The following SLC25A51 variants were observed in gnomAD, a reference collection of about 807,000 sequenced individuals.
SLC25A51 encodes mitochondrial nicotinamide adenine dinucleotide transporter SLC25A51.
Under a neutral mutation model 19.1 loss-of-function variants are expected in SLC25A51, and 11 were observed. The ratio of observed to expected loss-of-function variants is 0.58; its 90% CI spans 0.36 to 0.96. The LOEUF is 0.96. Among genes scored for constraint, SLC25A51 ranks in the 40% least tolerant of loss-of-function variants. The pLI, the probability that SLC25A51 is intolerant of heterozygous loss-of-function variation, is 0.01. For missense variants in SLC25A51, 201 were observed against 365.4 expected, an observed-to-expected ratio of 0.55 and a Z score of 3.67; for synonymous variants, 105 against 133.6, an observed-to-expected ratio of 0.79 and a Z score of 1.47.
chr9:37,885,672 C>T (rs1468731261), downstream of SLC25A51: 4 of 1,196,916 alleles, frequency 3.3e-6, no homozygotes, highest in African/African-American at 1.5e-5. Context: ...AAGGAGTTGC[C>T]CGAAACCGGA....
chr9:37,889,244 C>T (rs2025440), intron 2 of SLC25A51, among the ~76,000 whole-genome samples: 84,333 of 152,012 alleles, frequency 0.55, 23,964 homozygotes, highest in African/African-American at 0.66. Context: ...AGAAATAAAA[C>T]AGCAAGACAT....
chr9:37,900,643 C>A (rs1020403440), intron 1 of SLC25A51, among the ~76,000 whole-genome samples: 1 of 151,978 alleles, frequency 6.6e-6, no homozygotes, highest in Non-Finnish European at 1.5e-5. Flanking sequence ...GCTATGTTGC[C>A]CAGGCTGGTC....
intron 2 of SLC25A51, among the ~76,000 whole-genome samples, chr9:37,890,314 G>A (rs1831554746): frequency 6.6e-6 from 1 of 152,130 alleles, no homozygotes; most frequent in Admixed American, 6.5e-5. Flanking sequence ...AGCCAGGGAG[G>A]TCAAGGCTGC....
downstream of SLC25A51, among the ~76,000 whole-genome samples, chr9:37,886,739 C>T (rs1831465176): frequency 6.6e-6 from 1 of 152,222 alleles, no homozygotes; most frequent in Non-Finnish European, 1.5e-5. Context: ...CCTTCTTAGT[C>T]AACCTGCACA....
chr9:37,891,258 C>A (rs1159352472), intron 2 of SLC25A51, among the ~76,000 whole-genome samples: 4 of 152,302 alleles, frequency 2.6e-5, no homozygotes, highest in East Asian at 1.9e-4. Context: ...CCCACCCGGC[C>A]AGCCGCCCCG....
chr9:37,903,852 G>A (rs1246413830), intron 1 of SLC25A51: 1 of 152,272 alleles, frequency 6.6e-6, no homozygotes, highest in Non-Finnish European at 1.5e-5. Context: ...CGCGGCAGGC[G>A]GGGGAGCCCG....
At chr9:37,894,189 G>A (rs1481623371) in intron 2 of SLC25A51, among the ~76,000 whole-genome samples, 1 of 152,046 alleles carries the variant, frequency 6.6e-6, no homozygotes, top group Admixed American at 6.6e-5. Context: ...ATTAAGGTTT[G>A]GAAAACTCTG....
chr9:37,886,036 C>T, downstream of SLC25A51: 1 of 1,613,278 alleles, frequency 6.2e-7, no homozygotes, highest in Non-Finnish European at 8.5e-7. Flanking sequence ...TCTATGCTGA[C>T]CTCTCCCTTA....
intron 2 of SLC25A51, among the ~76,000 whole-genome samples, chr9:37,898,220 G>A (rs1831762589): frequency 6.6e-6 from 1 of 152,164 alleles, no homozygotes; most frequent in East Asian, 1.9e-4. Context: ...AGACCAACCT[G>A]GCCAACATGG....
At chr9:37,896,232 A>G (rs1046242518) in intron 2 of SLC25A51, among the ~76,000 whole-genome samples, 5 of 152,174 alleles carry the variant, frequency 3.3e-5, no homozygotes, top group Non-Finnish European at 7.3e-5. Context: ...AGCATAATCT[A>G]AATACCCACG....
chr9:37,891,718 C>A (rs1240892473), intron 2 of SLC25A51, among the ~76,000 whole-genome samples: 2 of 152,028 alleles, frequency 1.3e-5, no homozygotes, highest in South Asian at 2.1e-4. Context: ...ACAAACACTG[C>A]GGAAGGCCGC....
At chr9:37,886,183 G>A, downstream of SLC25A51, 10 of 1,500,130 alleles carry the variant, frequency 6.7e-6, no homozygotes, top group Non-Finnish European at 9.3e-6. Context: ...GTGGCAAGAA[G>A]GTAATGCGGC....
At chr9:37,893,213 G>T (rs1054944144) in intron 2 of SLC25A51, among the ~76,000 whole-genome samples, 1 of 152,150 alleles carries the variant, frequency 6.6e-6, no homozygotes, top group Non-Finnish European at 1.5e-5. Context: ...GCAAATGAAA[G>T]AAACTATTTT....
intron 2 of SLC25A51, among the ~76,000 whole-genome samples, chr9:37,892,764 G>T (rs1168744346): frequency 6.6e-6 from 1 of 150,890 alleles, no homozygotes; most frequent in African/African-American, 2.4e-5. Flanking sequence ...CTTTTAGATG[G>T]AGTCTCACTC....
chr9:37,891,333 G>A lies in SLC25A51; in HGVS notation c.-42-2741C>T, dbSNP rs371517532. 1.1e-4 allele frequency among the ~76,000 whole-genome samples: 16 copies of A among 152,324 alleles called. No individual in the cohort carries two copies. In the East Asian group the frequency reaches 2.3e-3, roughly 22 times the overall value. ...TGGGAAGTGAGGAGCCCCTCTGCCC[G>A]GCCGCCACCCTGTCTGGGAGGTGTA... is the stretch of plus-strand genomic sequence containing the variant. On this transcript the variant is annotated intron_variant, in intron 2 of 2. Coordinates refer to ENST00000242275, the MANE Select transcript of SLC25A51 (RefSeq NM_033412.4).
At chr9:37,889,654 G>A (rs962399066) in intron 2 of SLC25A51, among the ~76,000 whole-genome samples, 1 of 151,252 alleles carries the variant, frequency 6.6e-6, no homozygotes, top group South Asian at 2.1e-4. Flanking sequence ...AAGTCTGAGT[G>A]ATTCCAGGGC....
intron 1 of SLC25A51, among the ~76,000 whole-genome samples, chr9:37,902,705 C>G (rs533209562): frequency 6.6e-6 from 1 of 152,174 alleles, no homozygotes. Context: ...TTGTTTGCTA[C>G]GTAAAACTAT....
At chr9:37,903,693 C>G (rs989346477) in intron 1 of SLC25A51, 1 of 152,312 alleles carries the variant, frequency 6.6e-6, no homozygotes, top group African/African-American at 2.4e-5. Context: ...GGTGCCATCC[C>G]CGCTGTCCCC....
exon 4 of SLC25A51, chr9:37,880,257 G>A (rs1008707155): frequency 6.7e-6 from 1 of 148,624 alleles, no homozygotes; most frequent in South Asian, 2.1e-4. Flanking sequence ...AGGGTGCAGT[G>A]AGCCAAGATT....
Sources: allele counts gnomAD v4.1 joint callset (sites outside exome capture counted in the v4.1 genomes callset), GRCh38; gene constraint gnomAD v4.1.1; transcripts MANE v1.5; gene names NCBI Gene and HGNC (gene_info 2026-07-23, HGNC 2026-07-21).